The following UBR3 variants were observed in gnomAD, a reference collection of about 807,000 sequenced individuals.
The protein encoded by UBR3 is ubiquitin protein ligase E3 component n-recognin 3, also known as E3 ubiquitin-protein ligase UBR3.
A neutral mutation model predicts 243.2 loss-of-function variants in UBR3; 85 were observed. That is an observed-to-expected ratio of 0.35 (90% confidence interval 0.29 to 0.42). The LOEUF (loss-of-function observed/expected upper bound fraction) is 0.42. Among genes scored for constraint, UBR3 ranks in the 10% least tolerant of loss-of-function variants. The probability of loss-of-function intolerance (pLI) is 1.00; values close to 1 mark genes in which losing one functional copy is unlikely to be tolerated. For missense variants in UBR3, 1,686 were observed against 2,300.8 expected (o/e 0.73, Z 5.47); for synonymous variants, 748 against 799.8 (o/e 0.94, Z 1.09).
At chr2:169,994,743 T>C (rs2089418224) in intron 26 of UBR3, among the ~76,000 whole-genome samples, 1 of 152,212 alleles carries the variant, frequency 6.6e-6, no homozygotes, top group Admixed American at 6.5e-5. Context: ...CTTTCAACAT[T>C]GTTTTGTTAT....
At chr2:169,888,100 G>C (rs955826094) in intron 5 of UBR3, among the ~76,000 whole-genome samples, 1 of 145,074 alleles carries the variant, frequency 6.9e-6, no homozygotes, top group Non-Finnish European at 1.5e-5. Flanking sequence ...TTTTTCATCT[G>C]TGTTATGACT....
At chr2:169,851,664 G>C (rs922774251) in intron 1 of UBR3, among the ~76,000 whole-genome samples, 1 of 152,014 alleles carries the variant, frequency 6.6e-6, no homozygotes, top group African/African-American at 2.4e-5. Flanking sequence ...AAGAGATCAA[G>C]ACCATCTTGG....
intron 24 of UBR3, among the ~76,000 whole-genome samples, chr2:169,977,728 T>C (rs2088520956): frequency 6.6e-6 from 1 of 152,096 alleles, no homozygotes; most frequent in Non-Finnish European, 1.5e-5. Context: ...ATTCACTGAC[T>C]CACATGTCAT....
chr2:169,992,990 GC>G (rs1333325637), intron 25 of UBR3, among the ~76,000 whole-genome samples: 1 of 152,038 alleles, frequency 6.6e-6, no homozygotes, highest in African/African-American at 2.4e-5. Context: ...TGAACTTCTG[GC>G]CTCAAGTAGT....
At chr2:169,909,760 T>TA (rs2085178418) in intron 10 of UBR3, among the ~76,000 whole-genome samples, 1 of 150,376 alleles carries the variant, frequency 6.6e-6, no homozygotes, top group African/African-American at 2.5e-5. Flanking sequence ...TATATATATC[T>TA]TGAAACATCA....
At chr2:169,966,531 C>T (rs186823277) in intron 24 of UBR3, among the ~76,000 whole-genome samples, 4 of 152,160 alleles carry the variant, frequency 2.6e-5, no homozygotes, top group African/African-American at 9.6e-5. Flanking sequence ...AAGAATTTCC[C>T]TACATTATTA....
chr2:170,046,107 C>T (rs909818311), intron 32 of UBR3, among the ~76,000 whole-genome samples: 2 of 151,954 alleles, frequency 1.3e-5, no homozygotes, highest in Non-Finnish European at 2.9e-5. Context: ...GCTAGGATTA[C>T]AGGCGCCTGC....
chr2:169,986,833 G>C, intron 25 of UBR3, 39 bp downstream of exon 25: 1 of 1,605,738 alleles, frequency 6.2e-7, no homozygotes, highest in Non-Finnish European at 8.5e-7. Context: ...ACATTTTAGA[G>C]CTGAAGTATA....
chr2:170,039,645 G>C (rs1321076002), intron 31 of UBR3, among the ~76,000 whole-genome samples: 2 of 152,078 alleles, frequency 1.3e-5, no homozygotes, highest in Non-Finnish European at 2.9e-5. Context: ...CTGAATGATC[G>C]AGCCTAATAA....
chr2:169,890,567 G>GTATATATATATGTATATATATATGTA (rs2084319898), intron 5 of UBR3, among the ~76,000 whole-genome samples: 6 of 59,538 alleles, frequency 1.0e-4, no homozygotes, highest in Non-Finnish European at 1.6e-4. Flanking sequence ...ATATATATGT[G>GTATATATATATGTATATATATATGTA]TATATATATA....
intron 32 of UBR3, among the ~76,000 whole-genome samples, chr2:170,046,469 A>G (rs895263249): frequency 2.0e-5 from 3 of 152,152 alleles, no homozygotes; most frequent in African/African-American, 7.2e-5. Flanking sequence ...TACCCCCAAC[A>G]ATATCATATA....
chr2:169,874,232 G>A (rs534713475), intron 2 of UBR3, among the ~76,000 whole-genome samples: 85 of 151,332 alleles, frequency 5.6e-4, no homozygotes, highest in Non-Finnish European at 1.0e-3. Flanking sequence ...GCAGTGGTGC[G>A]ATGTCAGCTC....
intron 1 of UBR3, among the ~76,000 whole-genome samples, chr2:169,867,680 C>G (rs934566908): frequency 2.0e-5 from 3 of 152,214 alleles, no homozygotes; most frequent in African/African-American, 7.2e-5. Context: ...TAAAGGGAAT[C>G]TTTCCTGATC....
chr2:169,868,633 T>C (rs1038418945), intron 1 of UBR3, among the ~76,000 whole-genome samples: 1 of 152,052 alleles, frequency 6.6e-6, no homozygotes, highest in Non-Finnish European at 1.5e-5. Context: ...AATTCACTTT[T>C]AGTGATAATC....
intron 32 of UBR3, among the ~76,000 whole-genome samples, chr2:170,051,770 T>C (rs754193750): frequency 2.6e-5 from 4 of 152,222 alleles, no homozygotes; most frequent in Non-Finnish European, 5.9e-5. Flanking sequence ...TTGTACTTAA[T>C]AGACAAATTC....
intron 31 of UBR3, among the ~76,000 whole-genome samples, chr2:170,032,472 G>A (rs1424387420): frequency 1.3e-5 from 2 of 150,770 alleles, no homozygotes; most frequent in Non-Finnish European, 2.9e-5. Flanking sequence ...AAAGTACTGT[G>A]TAACAACAAC....
intron 5 of UBR3, among the ~76,000 whole-genome samples, chr2:169,890,571 A>ATATATATGTG (rs61662738): frequency 1.9e-5 from 2 of 105,016 alleles, no homozygotes; most frequent in African/African-American, 7.4e-5. Context: ...ATATGTGTAT[A>ATATATATGTG]TATATATATG....
intron 3 of UBR3, among the ~76,000 whole-genome samples, chr2:169,876,551 G>GTATTGTATTGTATTA (rs2083621025): frequency 6.6e-6 from 1 of 151,278 alleles, no homozygotes; most frequent in Admixed American, 6.6e-5. Flanking sequence ...GTATTGTATT[G>GTATTGTATTGTATTA]TATTGTATTG....
At chr2:170,071,787 A>C (rs2091702779) in intron 35 of UBR3, among the ~76,000 whole-genome samples, 1 of 152,158 alleles carries the variant, frequency 6.6e-6, no homozygotes, top group African/African-American at 2.4e-5. Flanking sequence ...GTGCATAATT[A>C]GTTTTGCAGA....
Sources: allele counts gnomAD v4.1 joint callset (sites outside exome capture counted in the v4.1 genomes callset), GRCh38; gene constraint gnomAD v4.1.1; transcripts MANE v1.5; gene names NCBI Gene and HGNC (gene_info 2026-07-23, HGNC 2026-07-21).